The following ATP11A variants were observed in gnomAD, a reference collection of about 807,000 sequenced individuals.
The protein encoded by ATP11A is phospholipid-transporting ATPase IH.
A neutral mutation model predicts 154.4 loss-of-function variants in ATP11A; 81 were observed. The observed-to-expected ratio is 0.52, with a 90% CI of 0.44 to 0.63. ATP11A has a LOEUF of 0.63. ATP11A is among the 30% of genes least tolerant of loss of function. ATP11A has a pLI of 0.00. For missense variants in ATP11A, 1,316 were observed against 1,474.3 expected (o/e 0.89, Z 1.76); for synonymous variants, 623 against 585.9 (o/e 1.06, Z -0.91).
At chr13:112,723,995 A>G (rs1889514803) in intron 1 of ATP11A, among the ~76,000 whole-genome samples, 1 of 151,904 alleles carries the variant, frequency 6.6e-6, no homozygotes, top group African/African-American at 2.4e-5. Flanking sequence ...GGCGCAGTTG[A>G]TCTCAACTTT....
At chr13:112,729,991 T>A (rs1890319017) in intron 1 of ATP11A, among the ~76,000 whole-genome samples, 1 of 152,236 alleles carries the variant, frequency 6.6e-6, no homozygotes, top group South Asian at 2.1e-4. Flanking sequence ...GGCAGCATAA[T>A]TTTTAGTTAC....
chr13:112,714,822 T>A (rs1480537053), intron 1 of ATP11A, among the ~76,000 whole-genome samples: 1 of 152,228 alleles, frequency 6.6e-6, no homozygotes, highest in Non-Finnish European at 1.5e-5. Context: ...TGTCTAGATT[T>A]ATGTGCACAG....
chr13:112,731,676 T>C (rs1890495515), intron 1 of ATP11A, among the ~76,000 whole-genome samples: 1 of 152,204 alleles, frequency 6.6e-6, no homozygotes, highest in African/African-American at 2.4e-5. Context: ...GTGTCACTTA[T>C]GTTCATGGCT....
rs150470245 is a variant in ATP11A at position 112,841,441 on chromosome 13, G to T, written c.1706-835G>T. 8.4e-3 allele frequency among the ~76,000 whole-genome samples: 1,227 copies of T among 146,350 alleles called. 7 individuals carry two copies. The highest frequency in any genetic ancestry group is 0.03 in the African/African-American group (1,150 of 38,294). Reference sequence around the variant, plus strand: ...GCTTCGCCGTCCAGGGATGCTTCAGGTGCAGAGGGGGCTCTGTGTGTCGGG... The same window carrying T: ...GCTTCGCCGTCCAGGGATGCTTCAGTTGCAGAGGGGGCTCTGTGTGTCGGG... On this transcript the variant is annotated intron_variant, in intron 16 of 29. Transcript: ENST00000375645.
In ATP11A at chr13:112,754,414, C is replaced by T. The variant is rs1399518040; in HGVS notation, c.40-30721C>T. On this transcript the variant is annotated intron_variant, in intron 1 of 29. Coordinates refer to ENST00000375645, the MANE Select transcript of ATP11A (RefSeq NM_015205.3). This position sits in a 1 kb window ranked among gnomAD's most constrained non-coding sequence, Gnocchi z 5.3. Reference sequence around the variant, plus strand: ...TGCGTTCACTGTCACCCAGGCATCCCTCCCAGCGGCCCTGTGAGGCAGGTG... The same window carrying T: ...TGCGTTCACTGTCACCCAGGCATCCTTCCCAGCGGCCCTGTGAGGCAGGTG... The T allele has an allele frequency of 6.6e-6, 1 of 152,494 alleles. No homozygotes were observed. The highest frequency in any genetic ancestry group is 2.4e-5 in the African/African-American group (1 of 41,448). The allele number at this position is 152,494 out of a possible 1,614,324, so 9.4% of individuals were successfully genotyped here. A position where few individuals can be genotyped will look rare whatever the true frequency, so the allele number is the denominator to read the frequency against.
chr13:112,741,009 G>C (rs1015515464), intron 1 of ATP11A, among the ~76,000 whole-genome samples: 1 of 152,352 alleles, frequency 6.6e-6, no homozygotes, highest in African/African-American at 2.4e-5. Flanking sequence ...AAACAAGCAA[G>C]GCACAGCACG....
At chr13:112,763,188 AC>A (rs1401604625) in intron 1 of ATP11A, among the ~76,000 whole-genome samples, 2 of 152,206 alleles carry the variant, frequency 1.3e-5, no homozygotes, top group African/African-American at 4.8e-5. Flanking sequence ...AACAGCTATT[AC>A]GTTGTAAACC....
chr13:112,720,342 T>A (rs1029150731), intron 1 of ATP11A, among the ~76,000 whole-genome samples: 1 of 152,238 alleles, frequency 6.6e-6, no homozygotes, highest in South Asian at 2.1e-4. Context: ...GTGCGATTGG[T>A]TAAAGCAGTA....
rs1001911227 is a variant in ATP11A, at chr13:112,882,114, C to T, written c.*248C>T. 6.0e-6 allele frequency: 8 copies of T among 1,341,508 alleles called. No individual in the cohort carries two copies. The highest frequency in any genetic ancestry group is 2.1e-4 in the Middle Eastern group (1 of 4,702). The allele number at this position is 1,341,508 out of a possible 1,614,324, so 83.1% of individuals were successfully genotyped here. A position where few individuals can be genotyped will look rare whatever the true frequency, so the allele number is the denominator to read the frequency against. Reference sequence around the variant, plus strand: ...CTGTGCACGTGCCTCTTCCTGGCCCCCAGCAGGCAAGGAGGGGGGTCACAG... The same window carrying T: ...CTGTGCACGTGCCTCTTCCTGGCCCTCAGCAGGCAAGGAGGGGGGTCACAG... On this transcript the variant is annotated 3_prime_UTR_variant, in exon 30 of 30. Coordinates refer to ENST00000375645, the MANE Select transcript of ATP11A (RefSeq NM_015205.3). The surrounding 1 kb of genome is among the most constrained non-coding windows in gnomAD (Gnocchi z 5.1).
At chr13:112,863,465 A>G (rs1458626966) in intron 25 of ATP11A, among the ~76,000 whole-genome samples, 1 of 149,284 alleles carries the variant, frequency 6.7e-6, no homozygotes, top group Non-Finnish European at 1.5e-5. Flanking sequence ...CCACCTGCGC[A>G]GTAATTCAGT....
At chr13:112,703,045 A>G (rs1240758688) in intron 1 of ATP11A, among the ~76,000 whole-genome samples, 1 of 152,250 alleles carries the variant, frequency 6.6e-6, no homozygotes, top group Non-Finnish European at 1.5e-5. Flanking sequence ...ATTGTTATGT[A>G]AGCACCTAGC....
intron 1 of ATP11A, among the ~76,000 whole-genome samples, chr13:112,722,949 A>AT (rs1000279611): frequency 9.9e-5 from 15 of 152,000 alleles, no homozygotes; most frequent in South Asian, 4.2e-4. Context: ...CTTTTTAAGT[A>AT]TTTTTTTTCA....
intron 26 of ATP11A, among the ~76,000 whole-genome samples, chr13:112,872,431 C>T (rs1460442981): frequency 1.3e-5 from 2 of 152,168 alleles, no homozygotes; most frequent in African/African-American, 4.8e-5. Context: ...GCCAACATGG[C>T]AAAACCCCAT....
At chr13:112,824,707 G>T (rs1443740429) in intron 10 of ATP11A, among the ~76,000 whole-genome samples, 1 of 152,184 alleles carries the variant, frequency 6.6e-6, no homozygotes, top group Non-Finnish European at 1.5e-5. Context: ...GTATCCAACA[G>T]CTCCTCTCAC....
At chr13:112,726,522 G>C (rs1219684780) in intron 1 of ATP11A, among the ~76,000 whole-genome samples, 1 of 152,196 alleles carries the variant, frequency 6.6e-6, no homozygotes, top group Non-Finnish European at 1.5e-5. Flanking sequence ...AGATCTGCAG[G>C]TGAATGAGGT....
chr13:112,826,340 G>A (rs1321540321), intron 11 of ATP11A, among the ~76,000 whole-genome samples: 1 of 152,196 alleles, frequency 6.6e-6, no homozygotes. Flanking sequence ...AGTATGTTTT[G>A]TTATAAGAGA....
intron 1 of ATP11A, among the ~76,000 whole-genome samples, chr13:112,766,183 C>T (rs941235589): frequency 2.0e-5 from 3 of 152,128 alleles, no homozygotes; most frequent in Non-Finnish European, 4.4e-5. Context: ...CTTATTCTTC[C>T]GACGAGGCAA....
In ATP11A at chr13:112,886,926, A is replaced by G. The variant is rs564579586; in HGVS notation, c.*5060A>G. On this transcript the variant is annotated 3_prime_UTR_variant, in exon 30 of 30. Coordinates refer to ENST00000375645, the MANE Select transcript of ATP11A (RefSeq NM_015205.3). ...CATTAACATAAATCAGTCTCCACAC[A>G]GTAACATTTAACTGATAATTCATTA... 2.0e-5 allele frequency: 3 copies of G among 152,416 alleles called. No individual in the cohort carries two copies. The highest frequency in any genetic ancestry group is 7.2e-5 in the African/African-American group (3 of 41,596). The allele number at this position is 152,416 out of a possible 1,614,324, so 9.4% of individuals were successfully genotyped here.
chr13:112,843,364 C>T (rs1178918183), intron 17 of ATP11A, among the ~76,000 whole-genome samples: 5 of 152,222 alleles, frequency 3.3e-5, no homozygotes, highest in African/African-American at 9.6e-5. Context: ...CTGCTCCCCA[C>T]GTGGCTGCTT....
Sources: allele counts gnomAD v4.1 joint callset (sites outside exome capture counted in the v4.1 genomes callset), GRCh38; gene constraint gnomAD v4.1.1; non-coding constraint Gnocchi (gnomAD v3.1); transcripts MANE v1.5; gene names NCBI Gene and HGNC (gene_info 2026-07-23, HGNC 2026-07-21).